The following DPYSL2 variants were observed in gnomAD, a reference collection of about 807,000 sequenced individuals.
The protein encoded by DPYSL2 is dihydropyrimidinase-related protein 2.
A neutral mutation model predicts 69.9 loss-of-function variants in DPYSL2; 13 were observed. The observed-to-expected ratio is 0.19, with a 90% confidence interval of 0.12 to 0.30. DPYSL2 has a LOEUF of 0.30. DPYSL2 is among the 10% of genes least tolerant of loss of function. The pLI, the probability that DPYSL2 is intolerant of heterozygous loss-of-function variation, is 1.00. For missense variants in DPYSL2, 587 were observed against 918.9 expected (o/e 0.64, Z 4.67); for synonymous variants, 326 against 359.1 (o/e 0.91, Z 1.04).
At chr8:26,534,530 T>C (rs947389763) in intron 1 of DPYSL2, among the ~76,000 whole-genome samples, 8 of 152,174 alleles carry the variant, frequency 5.3e-5, no homozygotes, top group Non-Finnish European at 1.2e-4. Flanking sequence ...TGCTAACAGC[T>C]GTGTGGCTGT....
Position 26,655,783 on chromosome 8 carries a change from C to CTT in DPYSL2, c.*89_*90dup, listed in dbSNP as rs1214866914. The CTT allele has an allele frequency of 8.2e-4, 727 of 887,986 alleles. No individual in the cohort carries two copies. Among genetic ancestry groups the CTT allele is most frequent in the Non-Finnish European group, 9.1e-4 (591 of 650,242 alleles). 55.0% of individuals were successfully genotyped at this position (887,986 alleles called of 1,614,324 possible). A position where few individuals can be genotyped will look rare whatever the true frequency, so the allele number is the denominator to read the frequency against. On this transcript the variant is annotated 3_prime_UTR_variant, in exon 14 of 14. Transcript: ENST00000521913. ...CATTCTGAGACTTCTTTCTTCCTTCCTTTTTTTTTTTTTGTTTTTTTTTTT... is the reference window on the plus strand; with the variant it reads ...CATTCTGAGACTTCTTTCTTCCTTCCTTTTTTTTTTTTTTTGTTTTTTTTTTT...
chr8:26,527,130 C>G (rs1457664745), intron 1 of DPYSL2, among the ~76,000 whole-genome samples: 1 of 152,184 alleles, frequency 6.6e-6, no homozygotes, highest in African/African-American at 2.4e-5. Context: ...CCATCCTGGA[C>G]AAGAGTGGCC....
intron 1 of DPYSL2, among the ~76,000 whole-genome samples, chr8:26,529,312 ATCTATCTATCATCTATC>A (rs1165068291): frequency 6.6e-5 from 10 of 151,650 alleles, no homozygotes; most frequent in African/African-American, 2.4e-4. Flanking sequence ...TCATCTATCT[ATCTATCTATCATCTATC>A]TATCTATATA....
At chr8:26,551,316 C>T (rs1029564613) in intron 1 of DPYSL2, among the ~76,000 whole-genome samples, 1 of 152,062 alleles carries the variant, frequency 6.6e-6, no homozygotes, top group African/African-American at 2.4e-5. Context: ...GACTTCAGAG[C>T]TAGGAAAATT....
intron 7 of DPYSL2, among the ~76,000 whole-genome samples, chr8:26,632,321 C>T (rs772009908): frequency 6.6e-6 from 1 of 152,080 alleles, no homozygotes; most frequent in Middle Eastern, 3.2e-3. Context: ...GTGGACAAGG[C>T]GAGGAGAAAG....
At position 26,643,023 on chromosome 8, in the gene DPYSL2, G is replaced by C. The variant is rs1218804283; in HGVS notation, c.1127-416G>C. 1 of 165,304 alleles carries C rather than the reference G, an allele frequency of 6.0e-6. No homozygotes were observed. The highest frequency in any genetic ancestry group is 2.4e-5 in the African/African-American group (1 of 41,706). 10.2% of individuals were successfully genotyped at this position (165,304 alleles called of 1,614,324 possible). A position where few individuals can be genotyped will look rare whatever the true frequency, so the allele number is the denominator to read the frequency against. On this transcript the variant is annotated intron_variant, in intron 8 of 13. Transcript: ENST00000521913. This position sits in a 1 kb window ranked among gnomAD's most constrained non-coding sequence, Gnocchi z 6.5. ...TGTGAAGGGCTAGGAATTGTGAAAA[G>C]ATTGTGTGAATGAACAGGAAGGTTA...
intron 1 of DPYSL2, among the ~76,000 whole-genome samples, chr8:26,579,969 C>A (rs1318434314): frequency 1.4e-5 from 2 of 141,156 alleles, no homozygotes; most frequent in African/African-American, 5.3e-5. Flanking sequence ...CCCCCCCACA[C>A]CCTTTAAAAA....
Position 26,561,242 on chromosome 8 carries a change from G to A in DPYSL2, c.355-20727G>A, listed in dbSNP as rs142663520. Reference sequence around the variant, plus strand: ...TCTCCATTCTTGGTGTCCAATACATGCTACTCTGCCTCTCTCTGGCCACTC... The same window carrying A: ...TCTCCATTCTTGGTGTCCAATACATACTACTCTGCCTCTCTCTGGCCACTC... On this transcript the variant is annotated intron_variant, in intron 1 of 13. Coordinates refer to ENST00000521913, the MANE Select transcript of DPYSL2 (RefSeq NM_001197293.3). Among the ~76,000 whole-genome samples, 187 of 152,202 alleles carry A rather than the reference G, an allele frequency of 1.2e-3. 3 individuals carry two copies. In the East Asian group the frequency reaches 0.033, roughly 27 times the overall value.
At chr8:26,592,040 A>G (rs374466112) in intron 3 of DPYSL2, among the ~76,000 whole-genome samples, 4 of 152,246 alleles carry the variant, frequency 2.6e-5, no homozygotes, top group Admixed American at 2.0e-4. Flanking sequence ...GACAGGAACC[A>G]GGGTAGAGCA....
chr8:26,545,456 C>T (rs62492714), intron 1 of DPYSL2, among the ~76,000 whole-genome samples: 1,970 of 152,222 alleles, frequency 0.013, 22 homozygotes, highest in Middle Eastern at 0.075. Flanking sequence ...AGTGTCTTAG[C>T]GAGGCGCAGT....
chr8:26,551,227 C>G (rs888164145), intron 1 of DPYSL2, among the ~76,000 whole-genome samples: 2 of 152,198 alleles, frequency 1.3e-5, no homozygotes, highest in African/African-American at 4.8e-5. Flanking sequence ...GTCAAGTTGA[C>G]AGCCCCAATC....
intron 1 of DPYSL2, among the ~76,000 whole-genome samples, chr8:26,546,947 AAAAAG>A (rs1563381428): frequency 1.4e-5 from 2 of 145,516 alleles, no homozygotes; most frequent in African/African-American, 5.0e-5. Context: ...AAAAAAAAAA[AAAAAG>A]AAAAGAAAAA....
In DPYSL2 at chr8:26,619,832, A is replaced by C. The variant is rs1802440702; in HGVS notation, c.629-4311A>C. ...CAGCCTTCCAAAGTGCTGGGATTAT[A>C]GGCATGCGCCACTGCACCTGGCCAG... On this transcript the variant is annotated intron_variant, in intron 3 of 13. Coordinates refer to ENST00000521913, the MANE Select transcript of DPYSL2 (RefSeq NM_001197293.3). The surrounding 1 kb of genome is among the most constrained non-coding windows in gnomAD (Gnocchi z 4.8). The C allele has an allele frequency of 6.6e-6, 1 of 152,420 alleles. No individual in the cohort carries two copies. Among genetic ancestry groups the C allele is most frequent in the African/African-American group, 2.4e-5 (1 of 41,424 alleles). The allele number at this position is 152,420 out of a possible 1,614,324, so 9.4% of individuals were successfully genotyped here.
Position 26,624,144 on chromosome 8 carries a change from T to C in DPYSL2, c.630T>C (p.Ile210=). 6.2e-7 allele frequency: 1 copy of C among 1,614,186 alleles called. No individual in the cohort carries two copies. Among genetic ancestry groups the C allele is most frequent in the Non-Finnish European group, 8.5e-7 (1 of 1,180,020 alleles). Residue 210 remains isoleucine (I), a splice_region_variant and synonymous_variant, in exon 4 of 14, where the codon ATT becomes ATC. Transcript: ENST00000521913. This position sits in a 1 kb window ranked among gnomAD's most constrained non-coding sequence, Gnocchi z 4.7. ...AALAGGTTMI[I]DHVVPEPGTS... ...TGACATATGTCTGTTTCTTTCTAGT[T>C]GACCACGTTGTTCCTGAGCCTGGGA...
chr8:26,577,128 C>A (rs1801365058), intron 1 of DPYSL2: 2 of 443,810 alleles, frequency 4.5e-6, no homozygotes, highest in African/African-American at 4.2e-5. Flanking sequence ...TCCTTCCCGG[C>A]TCGGAGTTGG....
At chr8:26,521,921 C>G (rs957585938) in intron 1 of DPYSL2, among the ~76,000 whole-genome samples, 1 of 152,162 alleles carries the variant, frequency 6.6e-6, no homozygotes, top group Non-Finnish European at 1.5e-5. Context: ...ATTAGTTTTT[C>G]CAATTATTTG....
At position 26,610,502 on chromosome 8, in the gene DPYSL2, T is replaced by C. The variant is rs1171207673; in HGVS notation, c.629-13641T>C. On this transcript the variant is annotated intron_variant, in intron 3 of 13. Transcript: ENST00000521913. The surrounding 1 kb of genome is among the most constrained non-coding windows in gnomAD (Gnocchi z 4.5). Reference sequence around the variant, plus strand: ...ACAGGACAGATTTGTCTTGTTTGTTTGGGTCGTATGCAGTTTCATGCAGAA... The same window carrying C: ...ACAGGACAGATTTGTCTTGTTTGTTCGGGTCGTATGCAGTTTCATGCAGAA... Among the ~76,000 whole-genome samples, 1 of 152,174 alleles carries C rather than the reference T, an allele frequency of 6.6e-6. No individual in the cohort carries two copies. Among genetic ancestry groups the C allele is most frequent in the East Asian group, 1.9e-4 (1 of 5,184 alleles).
At chr8:26,578,640 G>A (rs1289679375) in intron 1 of DPYSL2, 15 of 1,134,238 alleles carry the variant, frequency 1.3e-5, no homozygotes, top group South Asian at 1.1e-4. Flanking sequence ...CATGCCTGGA[G>A]CTCGGATATT....
rs1401048751 is a variant in DPYSL2 at position 26,556,276 on chromosome 8, TATTTATATA to T, written c.355-25690_355-25682del. ...TATATATATACTATAGTATATATAG[TATTTATATA>T]ATATATATAGTATATATATAGTATA... On this transcript the variant is annotated intron_variant, in intron 1 of 13. Transcript: ENST00000521913. Among the ~76,000 whole-genome samples the T allele has an allele frequency of 5.1e-4, 7 of 13,640 alleles. 1 individual carries two copies. The highest frequency in any genetic ancestry group is 6.7e-4 in the African/African-American group (4 of 6,000). The allele number at this position is 13,640 out of a possible 152,430, so 8.9% of individuals were successfully genotyped here. A position where few individuals can be genotyped will look rare whatever the true frequency, so the allele number is the denominator to read the frequency against.
Sources: allele counts gnomAD v4.1 joint callset (sites outside exome capture counted in the v4.1 genomes callset), GRCh38; gene constraint gnomAD v4.1.1; non-coding constraint Gnocchi (gnomAD v3.1); transcripts MANE v1.5; gene names NCBI Gene and HGNC (gene_info 2026-07-23, HGNC 2026-07-21).